AP2A2: variants seen among roughly 807,000 people sequenced by gnomAD.
AP2A2 encodes adaptor related protein complex 2 subunit alpha 2, also known as AP-2 complex subunit alpha-2.
Under a neutral mutation model 104.2 loss-of-function variants are expected in AP2A2, and 32 were observed. The ratio of observed to expected loss-of-function variants is 0.31; its 90% CI spans 0.23 to 0.41. The LOEUF (loss-of-function observed/expected upper bound fraction) is 0.41, where lower values mean the gene tolerates loss of function less well. AP2A2 is among the 10% of genes least tolerant of loss of function. The pLI is 1.00. For synonymous variants in AP2A2, 539 were observed against 533.3 expected (o/e 1.01, Z -0.15); for missense variants, 912 against 1,261.0 (o/e 0.72, Z 4.19).
At position 959,601 on chromosome 11, in the gene AP2A2, A is replaced by G. The variant is rs188777133; in HGVS notation, c.136+96A>G. 2,906 of 797,026 alleles carry G rather than the reference A, an allele frequency of 3.6e-3. 13 individuals are homozygous for G. Among genetic ancestry groups the G allele is most frequent in the Non-Finnish European group, 5.1e-3 (2,508 of 493,326 alleles). 49.4% of individuals were successfully genotyped at this position (797,026 alleles called of 1,614,324 possible). On this transcript the variant is annotated intron_variant, in intron 2 of 21. Coordinates refer to ENST00000448903, the MANE Select transcript of AP2A2 (RefSeq NM_012305.4). The stretch of plus-strand genomic sequence containing the variant: ...ATACTGTCTTCTTTTCTCCCACACT[A>G]AAGTGAAGTTCTCAGTTTGTACAGT...
chr11:988,709 G>A lies in AP2A2; in HGVS notation c.1269+20G>A. ...GAGATTGTGAGTTCTGGTGGCCTCT[G>A]AGTCCTCTCCTGCCACAGGCGTGAA... is the stretch of plus-strand genomic sequence containing the variant. On this transcript the variant is annotated intron_variant, in intron 10 of 21. Coordinates refer to ENST00000448903, the MANE Select transcript of AP2A2 (RefSeq NM_012305.4). The A allele has an allele frequency of 6.2e-7, 1 of 1,612,832 alleles. No homozygotes were observed. Among genetic ancestry groups the A allele is most frequent in the Non-Finnish European group, 8.5e-7 (1 of 1,179,582 alleles).
chr11:993,803 G>A lies in AP2A2; in HGVS notation c.1600G>A (p.Val534Ile), dbSNP rs373171866. The change falls in exon 13 of 22, where the codon GTC becomes ATC. Residue 534 changes from valine to isoleucine, a missense_variant. Physicochemically the swap from Val to Ile is conservative, Grantham distance 29. Around this residue, in one of 7 missense-constraint regions of AP2A2, gnomAD observed 137 missense variants for 186.9 expected, o/e 0.73. Transcript: ENST00000448903. This position sits in a 1 kb window ranked among gnomAD's most constrained non-coding sequence, Gnocchi z 8.2. ...GCACTCCAAGTTCCACCTGTGCAGC[G>A]TCCCCACCCGCGCGCTGCTCCTGTC... ...LLHSKFHLCS[V>I]PTRALLLSTY... is the part of the protein sequence containing the mutation. 7.8e-5 allele frequency: 126 copies of A among 1,607,130 alleles called. No individual in the cohort carries two copies. The highest frequency in any genetic ancestry group is 9.7e-5 in the Non-Finnish European group (114 of 1,179,222).
At chr11:933,797 TTC>T (rs1456777422) in intron 1 of AP2A2, among the ~76,000 whole-genome samples, 1 of 152,152 alleles carries the variant, frequency 6.6e-6, no homozygotes, top group Non-Finnish European at 1.5e-5. Flanking sequence ...AGACATGACT[TTC>T]TGCCAGCTTT....
chr11:1,004,275 C>T (rs1215177426), intron 16 of AP2A2, among the ~76,000 whole-genome samples: 1 of 152,154 alleles, frequency 6.6e-6, no homozygotes, highest in Non-Finnish European at 1.5e-5. Flanking sequence ...GAGTTCGAGA[C>T]TGGCCTGGCT....
Position 1,010,608 on chromosome 11 carries a change from C to T in AP2A2, c.2803C>T (p.Leu935Phe). ...CGTTTCTCAGAGATTATGTGAATTG[C>T]TCTCAGCGCAGTTTTAGTCCTGAGG... is the stretch of plus-strand genomic sequence containing the variant. ...EAVSQRLCELLSAQF is the reference protein window; with the variant it reads ...EAVSQRLCELFSAQF Residue 935 changes from leucine (L) to phenylalanine (F), a missense_variant, in exon 22 of 22, where the codon CTC becomes TTC. Transcript: ENST00000448903. 2 of 1,596,246 alleles carry T rather than the reference C, an allele frequency of 1.3e-6. No individual in the cohort carries two copies. The highest frequency in any genetic ancestry group is 1.7e-6 in the Non-Finnish European group (2 of 1,171,462).
At chr11:975,840 C>A (rs1353619376) in intron 4 of AP2A2, among the ~76,000 whole-genome samples, 1 of 152,212 alleles carries the variant, frequency 6.6e-6, no homozygotes, top group African/African-American at 2.4e-5. Flanking sequence ...TCCTCGGTCT[C>A]CCTCGTGTGA....
chr11:959,584 T>G lies in AP2A2; in HGVS notation c.136+79T>G. On this transcript the variant is annotated intron_variant, in intron 2 of 21. Coordinates refer to ENST00000448903, the MANE Select transcript of AP2A2 (RefSeq NM_012305.4). The stretch of plus-strand genomic sequence containing the variant: ...AAGAACCCAGTCTTTTAATACTGTC[T>G]TCTTTTCTCCCACACTAAAGTGAAG... The G allele has an allele frequency of 3.3e-6, 3 of 913,100 alleles. No individual in the cohort carries two copies. In the South Asian group the frequency reaches 4.6e-5, roughly 14 times the overall value. 56.6% of individuals were successfully genotyped at this position (913,100 alleles called of 1,614,324 possible).
At position 968,615 on chromosome 11, in the gene AP2A2, C is replaced by T. The variant is rs1403172266; in HGVS notation, c.137-1554C>T. 6.6e-6 allele frequency among the ~76,000 whole-genome samples: 1 copy of T among 152,134 alleles called. No homozygotes were observed. Among genetic ancestry groups the T allele is most frequent in the African/African-American group, 2.4e-5 (1 of 41,430 alleles). ...GGCTGTGGTTGTCCAAGGCGGCTTC[C>T]AGCGGGTGATGGAATCTGGGCTGGG... On this transcript the variant is annotated intron_variant, in intron 2 of 21. Coordinates refer to ENST00000448903, the MANE Select transcript of AP2A2 (RefSeq NM_012305.4). The surrounding 1 kb of genome is among the most constrained non-coding windows in gnomAD (Gnocchi z 4.2).
At chr11:984,909 T>C (rs1855400831) in intron 7 of AP2A2, among the ~76,000 whole-genome samples, 156 bp downstream of exon 7, 1 of 152,264 alleles carries the variant, frequency 6.6e-6, no homozygotes, top group Admixed American at 6.5e-5. Context: ...TGCGCTGGCT[T>C]TCGTGGAGCA....
At position 972,064 on chromosome 11, in the gene AP2A2, C is replaced by G. The variant is rs1854849062; in HGVS notation, c.282C>G (p.Gly94=). ...TTCTCCTGTCTTTTGGAACGCAGGG[C>G]TACCTTTTCATCTCTGTGTTGGTGA... The part of the protein sequence containing the change: ...SSNRYTEKQI[G]YLFISVLVNS... Residue 94 remains glycine, a splice_region_variant and synonymous_variant, in exon 4 of 22, where the codon GGC becomes GGG. Transcript: ENST00000448903. 1 of 1,612,116 alleles carries G rather than the reference C, an allele frequency of 6.2e-7. No homozygotes were observed. Among genetic ancestry groups the G allele is most frequent in the Non-Finnish European group, 8.5e-7 (1 of 1,179,058 alleles).
intron 18 of AP2A2, chr11:1,008,503 T>G: frequency 4.5e-6 from 1 of 222,014 alleles, no homozygotes; most frequent in East Asian, 1.1e-4. Flanking sequence ...TTCGGCCCCC[T>G]GGCCTGGGGG....
intron 1 of AP2A2, among the ~76,000 whole-genome samples, chr11:930,120 CAAAAAA>C (rs1157025547): frequency 7.7e-5 from 4 of 51,998 alleles, no homozygotes; most frequent in African/African-American, 2.8e-4. Flanking sequence ...GACTCTGTCT[CAAAAAA>C]AAAAAAAAAA....
At position 967,333 on chromosome 11, in the gene AP2A2, C is replaced by T. The variant is rs547608747; in HGVS notation, c.137-2836C>T. 9.2e-5 allele frequency among the ~76,000 whole-genome samples: 14 copies of T among 152,190 alleles called. No individual in the cohort carries two copies. In the South Asian group the frequency reaches 2.1e-3, roughly 23 times the overall value. On this transcript the variant is annotated intron_variant, in intron 2 of 21. Coordinates refer to ENST00000448903, the MANE Select transcript of AP2A2 (RefSeq NM_012305.4). ...TGCCTCAGACACCTGATGCTCCGTC[C>T]GTGCTGTGCTGTTTCGTTTTATTTT...
intron 2 of AP2A2, among the ~76,000 whole-genome samples, chr11:959,876 G>A (rs1854371949): frequency 1.3e-5 from 2 of 152,198 alleles, no homozygotes; most frequent in South Asian, 4.1e-4. Flanking sequence ...CCTGACCTGC[G>A]CTCGGTGGAC....
chr11:971,495 T>C (rs1270136713), intron 3 of AP2A2, among the ~76,000 whole-genome samples: 4 of 152,010 alleles, frequency 2.6e-5, no homozygotes, highest in African/African-American at 9.7e-5. Flanking sequence ...AGAAAACCAC[T>C]GTTTCCCTCC....
chr11:994,705 C>G (rs1176139590), intron 14 of AP2A2, among the ~76,000 whole-genome samples: 1 of 141,322 alleles, frequency 7.1e-6, no homozygotes, highest in East Asian at 2.2e-4. Context: ...GCTGGACGCC[C>G]CGTTGTCCTG....
At chr11:998,935 G>C (rs1001517223) in intron 14 of AP2A2, among the ~76,000 whole-genome samples, 23 of 152,204 alleles carry the variant, frequency 1.5e-4, no homozygotes, top group South Asian at 6.2e-4. Flanking sequence ...CTTGGGATCT[G>C]CCCCCCTCGG....
chr11:1,006,938 C>T (rs1363615022), intron 17 of AP2A2: 1 of 262,400 alleles, frequency 3.8e-6, no homozygotes, highest in Admixed American at 5.2e-5. Flanking sequence ...CTTTAAACCC[C>T]TCCTCTCCGA....
intron 1 of AP2A2, among the ~76,000 whole-genome samples, chr11:936,383 TTAAA>T (rs1212820475): frequency 1.3e-5 from 2 of 151,722 alleles, no homozygotes; most frequent in East Asian, 1.9e-4. Flanking sequence ...GGCTAATTTT[TTAAA>T]TAAATAAATA....
Sources: allele counts gnomAD v4.1 joint callset (sites outside exome capture counted in the v4.1 genomes callset), GRCh38; gene constraint gnomAD v4.1.1; regional missense constraint gnomAD v4.1.1; non-coding constraint Gnocchi (gnomAD v3.1); transcripts MANE v1.5; gene names NCBI Gene and HGNC (gene_info 2026-07-23, HGNC 2026-07-21).